Variants in FAM13C observed in about 807,000 individuals in gnomAD.
FAM13C encodes family with sequence similarity 13 member C.
In FAM13C, 37 loss-of-function variants were observed where a neutral mutation model predicts 73.2. The observed-to-expected ratio is 0.51, with a 90% CI of 0.39 to 0.67. FAM13C has a LOEUF of 0.67. Ranked by LOEUF, FAM13C falls within the 30% of genes least tolerant of loss-of-function variation. The pLI is 0.00. For synonymous variants in FAM13C, 246 were observed against 260.9 expected, an observed-to-expected ratio of 0.94 and a Z score of 0.55; for missense variants, 589 against 715.6, an observed-to-expected ratio of 0.82 and a Z score of 2.02.
intron 7 of FAM13C, among the ~76,000 whole-genome samples, chr10:59,269,674 G>A (rs887630257): frequency 5.3e-5 from 8 of 152,160 alleles, no homozygotes; most frequent in Non-Finnish European, 8.8e-5. Context: ...CATGTGAGCC[G>A]CTGGGCTATC....
intron 3 of FAM13C, among the ~76,000 whole-genome samples, chr10:59,329,128 A>ATTTAAAAT (rs1851582562): frequency 6.6e-6 from 1 of 152,128 alleles, no homozygotes; most frequent in Admixed American, 6.6e-5. Context: ...TGTGTCTATT[A>ATTTAAAAT]TTTAAAATTT....
At chr10:59,349,081 A>G (rs1032995173) in intron 3 of FAM13C, among the ~76,000 whole-genome samples, 1 of 152,214 alleles carries the variant, frequency 6.6e-6, no homozygotes, top group Non-Finnish European at 1.5e-5. Context: ...TTTTGGTGGA[A>G]CGATTTTACT....
chr10:59,290,564 G>T (rs1846103738), intron 5 of FAM13C, among the ~76,000 whole-genome samples: 1 of 151,954 alleles, frequency 6.6e-6, no homozygotes, highest in Admixed American at 6.5e-5. Flanking sequence ...CTCCTCCTCA[G>T]ACCCTACTCA....
At chr10:59,266,886 A>G (rs186382262) in intron 8 of FAM13C, among the ~76,000 whole-genome samples, 282 of 152,338 alleles carry the variant, frequency 1.9e-3, no homozygotes, top group African/African-American at 6.4e-3. Context: ...GCCTATTTAA[A>G]TATATAACTC....
intron 3 of FAM13C, among the ~76,000 whole-genome samples, chr10:59,326,654 T>C (rs1480881636): frequency 6.6e-6 from 1 of 152,160 alleles, no homozygotes; most frequent in Non-Finnish European, 1.5e-5. Context: ...TTTAGTTTAG[T>C]TCCTTCCACT....
chr10:59,308,543 A>C (rs1848526930), intron 4 of FAM13C, among the ~76,000 whole-genome samples: 2 of 145,634 alleles, frequency 1.4e-5, no homozygotes, highest in East Asian at 2.0e-4. Flanking sequence ...CATCACCCCC[A>C]CCACCACCAC....
chr10:59,361,789 C>G (rs1229974739), intron 1 of FAM13C, among the ~76,000 whole-genome samples: 1 of 152,122 alleles, frequency 6.6e-6, no homozygotes, highest in East Asian at 1.9e-4. Flanking sequence ...CATTCACACT[C>G]CTTCATTCCA....
intron 1 of FAM13C, among the ~76,000 whole-genome samples, chr10:59,356,653 G>A (rs1443829359): frequency 6.6e-6 from 1 of 152,080 alleles, no homozygotes; most frequent in Non-Finnish European, 1.5e-5. Flanking sequence ...CCCCAGCTCT[G>A]TACCTTCCCA....
intron 6 of FAM13C, among the ~76,000 whole-genome samples, chr10:59,279,722 C>A (rs1348879274): frequency 2.0e-5 from 3 of 152,196 alleles, no homozygotes. Context: ...TAATTCCATG[C>A]TGGAAATATT....
intron 4 of FAM13C, among the ~76,000 whole-genome samples, chr10:59,303,817 T>C (rs1239223919): frequency 6.6e-6 from 1 of 152,198 alleles, no homozygotes; most frequent in Non-Finnish European, 1.5e-5. Flanking sequence ...TGTGAGCTTT[T>C]TTTCATTTGT....
At chr10:59,313,421 G>T (rs1564567610) in intron 4 of FAM13C, among the ~76,000 whole-genome samples, 3 of 152,154 alleles carry the variant, frequency 2.0e-5, no homozygotes, top group Admixed American at 6.5e-5. Flanking sequence ...AGCAAGACTG[G>T]CAGTAATTAC....
At chr10:59,286,869 C>A (rs554668639) in intron 5 of FAM13C, among the ~76,000 whole-genome samples, 3 of 149,630 alleles carry the variant, frequency 2.0e-5, no homozygotes, top group Non-Finnish European at 3.0e-5. Context: ...CCTATTTCTA[C>A]GAAAAAATAC....
chr10:59,253,588 A>G (rs927015601), intron 11 of FAM13C: 2 of 152,576 alleles, frequency 1.3e-5, no homozygotes, highest in African/African-American at 4.8e-5. Context: ...ACCTTACTAC[A>G]TTTTAAATTA....
chr10:59,339,850 G>A (rs960745252), intron 3 of FAM13C, among the ~76,000 whole-genome samples: 10 of 152,160 alleles, frequency 6.6e-5, no homozygotes, highest in Non-Finnish European at 1.2e-4. Flanking sequence ...TAAAAAAGAT[G>A]ACTGATTAAA....
At position 59,302,784 on chromosome 10, in the gene FAM13C, G is replaced by A. The variant is rs1847750185; in HGVS notation, c.507+17C>T. The A allele has an allele frequency of 6.2e-7, 1 of 1,610,914 alleles. No individual in the cohort carries two copies. Among genetic ancestry groups the A allele is most frequent in the Non-Finnish European group, 8.5e-7 (1 of 1,177,268 alleles). ...TGGCTAATTCATGTTCTTATAACCAGTAATGATTGCACGTACCTCATTTAA... is the reference window on the plus strand; with the variant it reads ...TGGCTAATTCATGTTCTTATAACCAATAATGATTGCACGTACCTCATTTAA... On this transcript the variant is annotated intron_variant, in intron 5 of 13. Transcript: ENST00000618804.
chr10:59,280,467 T>TTACAAG (rs1687091164), intron 6 of FAM13C, among the ~76,000 whole-genome samples: 1 of 152,236 alleles, frequency 6.6e-6, no homozygotes, highest in Non-Finnish European at 1.5e-5. Flanking sequence ...TGTGAGCCTC[T>TTACAAG]TCCCGTTGGC....
intron 6 of FAM13C, among the ~76,000 whole-genome samples, chr10:59,277,335 T>C (rs977371493): frequency 6.6e-6 from 1 of 152,240 alleles, no homozygotes; most frequent in African/African-American, 2.4e-5. Flanking sequence ...TTTTATAAAA[T>C]GCCCTTGTTC....
At chr10:59,321,440 T>C (rs1167906818) in intron 4 of FAM13C, among the ~76,000 whole-genome samples, 13 of 143,044 alleles carry the variant, frequency 9.1e-5, no homozygotes, top group African/African-American at 3.3e-4. Context: ...ACCTTTTTTT[T>C]TTTTTTTTTT....
chr10:59,345,075 G>A (rs866663193), intron 3 of FAM13C, among the ~76,000 whole-genome samples: 4 of 152,152 alleles, frequency 2.6e-5, no homozygotes, highest in East Asian at 1.9e-4. Flanking sequence ...TGTAAAAGAT[G>A]CATAGGAAGT....
Sources: allele counts gnomAD v4.1 joint callset (sites outside exome capture counted in the v4.1 genomes callset), GRCh38; gene constraint gnomAD v4.1.1; transcripts MANE v1.5; gene names NCBI Gene and HGNC (gene_info 2026-07-23, HGNC 2026-07-21).